SYTL3: variants seen among roughly 807,000 people sequenced by gnomAD.
SYTL3 encodes the protein synaptotagmin like 3, also known as synaptotagmin-like protein 3.
Under a neutral mutation model 82.1 loss-of-function variants are expected in SYTL3, and 88 were observed. The ratio of observed to expected loss-of-function variants is 1.07; its 90% CI spans 0.90 to 1.28. The LOEUF (loss-of-function observed/expected upper bound fraction) is 1.28, where lower values mean the gene tolerates loss of function less well. SYTL3 is among the 50% of genes most tolerant of loss of function. The pLI is 0.00. For synonymous variants in SYTL3, 311 were observed against 289.4 expected (o/e 1.07, Z -0.76); for missense variants, 831 against 757.6 (o/e 1.10, Z -1.14).
At chr6:158,727,316 C>T (rs551009154) in intron 11 of SYTL3, among the ~76,000 whole-genome samples, 41 of 152,010 alleles carry the variant, frequency 2.7e-4, no homozygotes, top group Admixed American at 2.2e-3. Flanking sequence ...GGATTACAGG[C>T]GCCCACCACC....
intron 6 of SYTL3, among the ~76,000 whole-genome samples, chr6:158,690,260 A>T (rs1779722832): frequency 6.6e-6 from 1 of 152,232 alleles, no homozygotes; most frequent in South Asian, 2.1e-4. Flanking sequence ...TTGAGCAGGG[A>T]TCTGCTCATT....
At chr6:158,756,389 G>A (rs767240685) in intron 13 of SYTL3, among the ~76,000 whole-genome samples, 1 of 152,238 alleles carries the variant, frequency 6.6e-6, no homozygotes, top group Admixed American at 6.5e-5. Flanking sequence ...GAGGAGGGGG[G>A]AGTTCATGCT....
chr6:158,759,614 C>T (rs887048125), intron 14 of SYTL3, among the ~76,000 whole-genome samples: 1 of 152,194 alleles, frequency 6.6e-6, no homozygotes. Flanking sequence ...CTCACTGCAA[C>T]CTCTGTCCCC....
chr6:158,754,808 A>G (rs1788862130), intron 13 of SYTL3, among the ~76,000 whole-genome samples: 1 of 152,184 alleles, frequency 6.6e-6, no homozygotes, highest in African/African-American at 2.4e-5. Flanking sequence ...ATGGGTAAGG[A>G]CCCAGGAGAA....
In SYTL3 at chr6:158,665,410, CCTG is replaced by C. The variant is rs574059439; in HGVS notation, c.128_130del (p.Leu43del). 231 of 1,596,182 alleles carry C rather than the reference CCTG, an allele frequency of 1.4e-4. No individual in the cohort carries two copies. The highest frequency in any genetic ancestry group is 4.9e-4 in the Middle Eastern group (3 of 6,068). ...AGGGCTGCAGGAAACTGAAAACACA[CCTG>C]CAGCATCTCCGGTGGAAAGGAGCGA... On this transcript the variant is annotated inframe_deletion, in exon 5 of 18. Coordinates refer to ENST00000611299, the MANE Select transcript of SYTL3 (RefSeq NM_001242394.2).
upstream of SYTL3, among the ~76,000 whole-genome samples, chr6:158,645,614 C>T (rs1265487027): frequency 2.0e-5 from 3 of 152,182 alleles, no homozygotes; most frequent in African/African-American, 7.2e-5. Context: ...AATCCATCAA[C>T]AACCCTTGTT....
chr6:158,663,850 C>T (rs1428189992), intron 4 of SYTL3, among the ~76,000 whole-genome samples: 7 of 152,140 alleles, frequency 4.6e-5, no homozygotes, highest in South Asian at 2.1e-4. Flanking sequence ...TTTCTTTGCT[C>T]GCTTTTGCTT....
chr6:158,758,047 G>C (rs1318034991), intron 14 of SYTL3, among the ~76,000 whole-genome samples: 1 of 152,184 alleles, frequency 6.6e-6, no homozygotes, highest in African/African-American at 2.4e-5. Flanking sequence ...TCTCGGAGAC[G>C]CTGCTTTGTA....
chr6:158,697,086 A>G (rs985325915), intron 6 of SYTL3, among the ~76,000 whole-genome samples: 1 of 151,702 alleles, frequency 6.6e-6, no homozygotes, highest in Non-Finnish European at 1.5e-5. Context: ...AACAACATAT[A>G]TAAAAATTAA....
chr6:158,664,615 A>C (rs897960523), intron 4 of SYTL3, among the ~76,000 whole-genome samples: 1 of 152,246 alleles, frequency 6.6e-6, no homozygotes, highest in African/African-American at 2.4e-5. Flanking sequence ...TGATGATGAA[A>C]GATCTTTCAG....
intron 10 of SYTL3, among the ~76,000 whole-genome samples, chr6:158,721,216 G>T (rs1784074987): frequency 6.6e-6 from 1 of 152,048 alleles, no homozygotes; most frequent in South Asian, 2.1e-4. Flanking sequence ...GGCTGGGTTG[G>T]TTTCTTTGTT....
At chr6:158,692,996 C>T (rs1028280464) in intron 6 of SYTL3, among the ~76,000 whole-genome samples, 1 of 152,076 alleles carries the variant, frequency 6.6e-6, no homozygotes, top group African/African-American at 2.4e-5. Flanking sequence ...ACGTAGCTGA[C>T]TCTATCCCAG....
At chr6:158,733,376 G>GATCA (rs918934700) in intron 11 of SYTL3, among the ~76,000 whole-genome samples, 2 of 151,782 alleles carry the variant, frequency 1.3e-5, no homozygotes, top group African/African-American at 4.8e-5. Context: ...ACCAAGGCTT[G>GATCA]AGTGCAGTGG....
rs568838922 is a variant in SYTL3 at position 158,764,234 on chromosome 6, C to A, written c.1724-261C>A. On this transcript the variant is annotated intron_variant, in intron 17 of 17. Transcript: ENST00000611299. ...TTGGTGAAGACCCAGCCCACCAAAC[C>A]AGAGTCCTCGCCTCACTTTCAAACT... Among the ~76,000 whole-genome samples, 4 of 152,334 alleles carry A rather than the reference C, an allele frequency of 2.6e-5. No homozygotes were observed. The East Asian group carries it at 7.7e-4, about 29-fold the overall frequency.
chr6:158,705,386 G>A (rs1227280364), intron 6 of SYTL3, among the ~76,000 whole-genome samples: 2 of 148,168 alleles, frequency 1.3e-5, no homozygotes, highest in Admixed American at 1.3e-4. Context: ...CAGGGTGACA[G>A]TGAGGGCTGT....
intron 12 of SYTL3, among the ~76,000 whole-genome samples, chr6:158,750,361 G>A (rs1051199533): frequency 6.6e-6 from 1 of 152,162 alleles, no homozygotes; most frequent in Non-Finnish European, 1.5e-5. Context: ...GGGGGCAGGG[G>A]TACATGGGTG....
chr6:158,764,758 G>T lies in SYTL3; in HGVS notation c.*154G>T. On this transcript the variant is annotated 3_prime_UTR_variant, in exon 18 of 18. Transcript: ENST00000611299. Reference sequence around the variant, plus strand: ...TGTCCCATGGCTTAACCGCCTATTGGTATCTGTGTATATTTACGTTAAACA... The same window carrying T: ...TGTCCCATGGCTTAACCGCCTATTGTTATCTGTGTATATTTACGTTAAACA... 1.7e-6 allele frequency: 1 copy of T among 581,448 alleles called. No homozygotes were observed. Among genetic ancestry groups the T allele is most frequent in the South Asian group, 2.2e-5 (1 of 45,376 alleles). The allele number at this position is 581,448 out of a possible 1,614,324, so 36.0% of individuals were successfully genotyped here. A position where few individuals can be genotyped will look rare whatever the true frequency, so the allele number is the denominator to read the frequency against.
At chr6:158,718,713 A>G (rs1783717367) in intron 10 of SYTL3, among the ~76,000 whole-genome samples, 1 of 152,250 alleles carries the variant, frequency 6.6e-6, no homozygotes, top group Admixed American at 6.5e-5. Flanking sequence ...CTAGGGAAAT[A>G]ATTATTCCAC....
intron 2 of SYTL3, among the ~76,000 whole-genome samples, chr6:158,656,151 A>G (rs1335754076): frequency 6.6e-6 from 1 of 152,106 alleles, no homozygotes; most frequent in African/African-American, 2.4e-5. Flanking sequence ...CCACCTCAGT[A>G]TTGTCACATC....
Sources: allele counts gnomAD v4.1 joint callset (sites outside exome capture counted in the v4.1 genomes callset), GRCh38; gene constraint gnomAD v4.1.1; transcripts MANE v1.5; gene names NCBI Gene and HGNC (gene_info 2026-07-23, HGNC 2026-07-21).